The following ZFP62 variants were observed in gnomAD, a reference collection of about 807,000 sequenced individuals.
The protein encoded by ZFP62 is ZFP62 zinc finger protein, also known as zinc finger protein 62 homolog.
ZFP62 carries 44 observed loss-of-function variants against 56.4 expected under a neutral mutation model. The observed-to-expected ratio is 0.78, with a 90% CI of 0.61 to 1.00. The LOEUF is 1.00. Among genes scored for constraint, ZFP62 ranks in the 50% least tolerant of loss-of-function variants. ZFP62 has a pLI of 0.00. For missense variants in ZFP62, 1,030 were observed against 1,085.7 expected (o/e 0.95, Z 0.72); for synonymous variants, 421 against 388.9 (o/e 1.08, Z -0.97).
chr5:180,852,297 C>T (rs1198357844), intron 1 of ZFP62, among the ~76,000 whole-genome samples: 1 of 152,106 alleles, frequency 6.6e-6, no homozygotes, highest in Non-Finnish European at 1.5e-5. Context: ...GTGGCTCACA[C>T]CTGTAATCCC....
chr5:180,839,552 C>T, the ZFP62 span, among the ~76,000 whole-genome samples: 3 of 152,096 alleles, frequency 2.0e-5, no homozygotes, highest in African/African-American at 7.2e-5. Context: ...CAAGTGGGAG[C>T]TAAACAATGA....
chr5:180,829,105 C>T, the ZFP62 span, among the ~76,000 whole-genome samples: 2,897 of 152,222 alleles, frequency 0.019, 99 homozygotes, highest in African/African-American at 0.065. Context: ...CAAGACACTA[C>T]GTGCACCACT....
At chr5:180,835,631 G>A in the ZFP62 span, 1 of 152,120 alleles carries the variant, frequency 6.6e-6, no homozygotes, top group East Asian at 1.9e-4. Flanking sequence ...AAGTAAAACC[G>A]AGCACATGCA....
Position 180,849,654 on chromosome 5 carries a change from T to G in ZFP62, c.1841A>C (p.Glu614Ala). 6.4e-7 allele frequency: 1 copy of G among 1,551,954 alleles called. No individual in the cohort carries two copies. The highest frequency in any genetic ancestry group is 1.2e-5 in the South Asian group (1 of 84,068). Reference sequence around the variant, plus strand: ...ACACACATCACATTTGTAGGGCTTCTCCCCAAGATGAACTTTTTTGTGGTT... The same window carrying G: ...ACACACATCACATTTGTAGGGCTTCGCCCCAAGATGAACTTTTTTGTGGTT... The part of the protein sequence containing the change: ...LTNHKKVHLG[E>A]KPYKCDVCEK... The change falls in exon 2 of 2, where the codon GAG becomes GCG. Residue 614 changes from glutamate to alanine, a missense_variant. By Grantham distance (107) the Glu-to-Ala change is moderately radical (BLOSUM62 -1). Coordinates refer to ENST00000502412, the MANE Select transcript of ZFP62 (RefSeq NM_001172638.2).
Position 180,848,467 on chromosome 5 carries a change from ACTT to A in ZFP62, c.*322_*324del, listed in dbSNP as rs751467870. ...TGAACTTTCTGATGGTGATTACGTA[ACTT>A]CTAATTGAAGCCCTTTCCTCATCTG... On this transcript the variant is annotated 3_prime_UTR_variant, in exon 2 of 2. Transcript: ENST00000502412. The A allele has an allele frequency of 9.5e-7, 1 of 1,050,212 alleles. No individual in the cohort carries two copies. The highest frequency in any genetic ancestry group is 4.5e-4 in the Middle Eastern group (1 of 2,216). 65.1% of individuals were successfully genotyped at this position (1,050,212 alleles called of 1,614,324 possible).
chr5:180,860,723 A>G (rs2127382), intron 1 of ZFP62: 146,818 of 149,832 alleles, frequency 0.98, 71,946 homozygotes, highest in East Asian at 1. Context: ...GGTGGGGTGG[A>G]GCGGAGGGGA....
intron 1 of ZFP62, among the ~76,000 whole-genome samples, chr5:180,855,151 A>G (rs1035986567): frequency 6.6e-6 from 1 of 152,224 alleles, no homozygotes; most frequent in African/African-American, 2.4e-5. Flanking sequence ...GCATGTATGA[A>G]AGAGAGAGCA....
the ZFP62 span, among the ~76,000 whole-genome samples, chr5:180,828,868 G>C: frequency 6.6e-6 from 1 of 152,280 alleles, no homozygotes; most frequent in Non-Finnish European, 1.5e-5. Flanking sequence ...TTCCTAGCAA[G>C]GAATATTAAT....
intron 1 of ZFP62, among the ~76,000 whole-genome samples, chr5:180,856,327 G>A (rs1773969767): frequency 6.6e-6 from 1 of 152,164 alleles, no homozygotes; most frequent in Non-Finnish European, 1.5e-5. Flanking sequence ...TGAAATCTAT[G>A]TTAATCAATA....
chr5:180,850,950 G>A lies in ZFP62; in HGVS notation c.545C>T (p.Ser182Leu), dbSNP rs1248347397. ...GATCCGTTTGTGGACCCGAAGGCTC[G>A]AGCTGCTCCGGAAAGTCCCTCCACA... is the stretch of plus-strand genomic sequence containing the variant. Reference protein sequence around the residue: ...DDCGGTFRSSSSLRVHKRIHT... With the variant: ...DDCGGTFRSSLSLRVHKRIHT... Residue 182 changes from serine (S) to leucine (L), a missense_variant, in exon 2 of 2, where the codon TCG (serine) becomes TTG (leucine). By Grantham distance (145) the Ser-to-Leu change is moderately radical (BLOSUM62 -2). Coordinates refer to ENST00000502412, the MANE Select transcript of ZFP62 (RefSeq NM_001172638.2). 1.9e-6 allele frequency: 3 copies of A among 1,554,462 alleles called. No individual in the cohort carries two copies. Among genetic ancestry groups the A allele is most frequent in the South Asian group, 1.2e-5 (1 of 84,214 alleles).
At chr5:180,851,867 T>A in intron 1 of ZFP62, 1 of 277,686 alleles carries the variant, frequency 3.6e-6, no homozygotes, top group African/African-American at 2.3e-5. Context: ...GCAGAAGAAA[T>A]CTCTGAAGAA....
At chr5:180,859,929 T>C (rs1319761754) in intron 1 of ZFP62, among the ~76,000 whole-genome samples, 1 of 152,222 alleles carries the variant, frequency 6.6e-6, no homozygotes, top group Non-Finnish European at 1.5e-5. Flanking sequence ...GTATTGAGTA[T>C]ACCATTGTTT....
the ZFP62 span, among the ~76,000 whole-genome samples, chr5:180,833,443 C>T: frequency 2.0e-5 from 3 of 146,768 alleles, no homozygotes; most frequent in Non-Finnish European, 3.0e-5. Flanking sequence ...TGCGCCACTG[C>T]ACTCCAGCCT....
chr5:180,860,957 G>T (rs1774280159), intron 1 of ZFP62, among the ~76,000 whole-genome samples: 1 of 152,192 alleles, frequency 6.6e-6, no homozygotes, highest in Non-Finnish European at 1.5e-5. Flanking sequence ...ACATGACGCT[G>T]GTCCGTTCAA....
chr5:180,845,686 G>A, downstream of ZFP62: 2 of 984,940 alleles, frequency 2.0e-6, no homozygotes, highest in Non-Finnish European at 2.4e-6. Flanking sequence ...AACTCCTTGG[G>A]TACAGCTGTG....
intron 1 of ZFP62, among the ~76,000 whole-genome samples, chr5:180,853,466 G>A (rs1047120587): frequency 6.6e-6 from 1 of 152,220 alleles, no homozygotes; most frequent in African/African-American, 2.4e-5. Flanking sequence ...ATGGGAGAAA[G>A]AGAGAGACTC....
the ZFP62 span, chr5:180,832,706 G>T: frequency 6.6e-6 from 1 of 152,164 alleles, no homozygotes; most frequent in Admixed American, 6.5e-5. Context: ...TTAATGTGGA[G>T]AACTTCTGAA....
chr5:180,832,135 AG>A, the ZFP62 span, among the ~76,000 whole-genome samples: 4 of 152,156 alleles, frequency 2.6e-5, no homozygotes, highest in African/African-American at 9.7e-5. Context: ...CCTTGATTTT[AG>A]CCCAGTGAGA....
the ZFP62 span, chr5:180,831,889 C>T: frequency 1.4e-3 from 221 of 153,244 alleles, 1 homozygote; most frequent in Non-Finnish European, 2.4e-3. Flanking sequence ...GGCCTCGGCC[C>T]TCAGCTGCCG....
Sources: allele counts gnomAD v4.1 joint callset (sites outside exome capture counted in the v4.1 genomes callset), GRCh38; gene constraint gnomAD v4.1.1; transcripts MANE v1.5; gene names NCBI Gene and HGNC (gene_info 2026-07-23, HGNC 2026-07-21).